CHGB: variants seen among roughly 807,000 people sequenced by gnomAD.
CHGB encodes the protein chromogranin B.
A neutral mutation model predicts 69.9 loss-of-function variants in CHGB; 46 were observed. The observed-to-expected ratio is 0.66, with a 90% CI of 0.52 to 0.84. The LOEUF is 0.84. Ranked by LOEUF, CHGB falls within the 40% of genes least tolerant of loss-of-function variation. The pLI is 0.00. For synonymous variants in CHGB, 312 were observed against 298.2 expected, an observed-to-expected ratio of 1.05 and a Z score of -0.48; for missense variants, 796 against 822.2, an observed-to-expected ratio of 0.97 and a Z score of 0.39.
rs777189783 is a variant in CHGB at position 5,924,118 on chromosome 20, T to C, written c.1956+18T>C. Reference sequence around the variant, plus strand: ...AGGACGAGGTATGGTCTAGGGCTTCTGTTTAAAAGTACTTACTCTGGTCAA... The same window carrying C: ...AGGACGAGGTATGGTCTAGGGCTTCCGTTTAAAAGTACTTACTCTGGTCAA... On this transcript the variant is annotated intron_variant, in intron 4 of 4. Transcript: ENST00000378961. 1 of 1,566,134 alleles carries C rather than the reference T, an allele frequency of 6.4e-7. No homozygotes were observed.
At chr20:5,914,799 T>C (rs556188438) in intron 1 of CHGB, 1 of 152,324 alleles carries the variant, frequency 6.6e-6, no homozygotes, top group Admixed American at 6.5e-5. Context: ...GGGGTCTTCA[T>C]AGCATAACTT....
chr20:5,911,598 A>G lies in CHGB; in HGVS notation c.-36A>G, dbSNP rs2088446679. 1 of 1,519,286 alleles carries G rather than the reference A, an allele frequency of 6.6e-7. No homozygotes were observed. The highest frequency in any genetic ancestry group is 8.8e-7 in the Non-Finnish European group (1 of 1,139,112). 94.1% of individuals were successfully genotyped at this position (1,519,286 alleles called of 1,614,324 possible). ...GCCTCGCTTCTCCGGTCCAGCCGCC[A>G]TCTTCCTTTCCGCACAGGGGCCGCC... On this transcript the variant is annotated 5_prime_UTR_variant, in exon 1 of 5. Coordinates refer to ENST00000378961, the MANE Select transcript of CHGB (RefSeq NM_001819.3).
rs560719081 is a variant in CHGB, at chr20:5,923,299, C to T, written c.1155C>T (p.Asp385=). The T allele has an allele frequency of 6.2e-7, 1 of 1,613,362 alleles. No individual in the cohort carries two copies. The highest frequency in any genetic ancestry group is 1.3e-5 in the African/African-American group (1 of 74,928). ...GTGAGGAGAGTTGGGATGAGGAGGA[C>T]AAGAGAAACTACCCCAGCTTAGAGC... ...PQSEESWDEE[D]KRNYPSLELD... is the part of the protein sequence containing the mutation. Residue 385 remains aspartate, a synonymous_variant, in exon 4 of 5, where the codon GAC becomes GAT. Coordinates refer to ENST00000378961, the MANE Select transcript of CHGB (RefSeq NM_001819.3).
At chr20:5,924,930 T>C (rs966396837) in intron 4 of CHGB, 42 bp from the exon 5 acceptor site, 1 of 1,239,724 alleles carries the variant, frequency 8.1e-7, no homozygotes, top group Non-Finnish European at 1.2e-6. Context: ...GCAAAAGAAA[T>C]TGGTTCGGGA....
intron 1 of CHGB, chr20:5,915,808 C>G (rs977262609): frequency 6.6e-6 from 1 of 152,612 alleles, no homozygotes; most frequent in African/African-American, 2.4e-5. Flanking sequence ...CTGCAACCTC[C>G]GCCTCCTGGG....
rs2088527268 is a variant in CHGB at position 5,923,189 on chromosome 20, C to G, written c.1045C>G (p.Pro349Ala). 6.2e-7 allele frequency: 1 copy of G among 1,613,698 alleles called. No individual in the cohort carries two copies. Among genetic ancestry groups the G allele is most frequent in the African/African-American group, 1.3e-5 (1 of 74,866 alleles). The stretch of plus-strand genomic sequence containing the variant: ...ATATGGAGAAGAAATAAAGGGTTAT[C>G]CAGGCGTCCAGGCCCCTGAGGACCT... ...PEYGEEIKGY[P>A]GVQAPEDLEW... The change falls in exon 4 of 5, where the codon CCA becomes GCA. Residue 349 changes from proline to alanine, a missense_variant. Transcript: ENST00000378961.
chr20:5,911,965 G>T (rs553594643), intron 1 of CHGB, among the ~76,000 whole-genome samples: 1 of 152,276 alleles, frequency 6.6e-6, no homozygotes, highest in African/African-American at 2.4e-5. Context: ...TGCCATACCT[G>T]CAAGGAAACC....
intron 4 of CHGB, 35 bp downstream of exon 4, chr20:5,924,135 T>C (rs2088536189): frequency 6.5e-7 from 1 of 1,536,928 alleles, no homozygotes; most frequent in Non-Finnish European, 8.7e-7. Context: ...AAGTACTTAC[T>C]CTGGTCAATG....
rs1471957963 is a variant in CHGB, at chr20:5,922,543, A to G, written c.399A>G (p.Arg133=). 3 of 1,613,108 alleles carry G rather than the reference A, an allele frequency of 1.9e-6. No homozygotes were observed. The highest frequency in any genetic ancestry group is 2.7e-5 in the African/African-American group (2 of 74,886). Reference sequence around the variant, plus strand: ...AGGGAGGCGGGCACAGCCGAGAGCGAGCGGATGAGCCCCAGTGGAGCCTCT... The same window carrying G: ...AGGGAGGCGGGCACAGCCGAGAGCGGGCGGATGAGCCCCAGTGGAGCCTCT... ...WAEGGGHSRE[R]ADEPQWSLYP... is the part of the protein sequence containing the mutation. The change falls in exon 4 of 5, where the codon CGA becomes CGG. Residue 133 remains arginine (R), a synonymous_variant. Coordinates refer to ENST00000378961, the MANE Select transcript of CHGB (RefSeq NM_001819.3).
chr20:5,924,892 C>A, intron 4 of CHGB, 80 bp from the exon 5 acceptor site: 1 of 814,510 alleles, frequency 1.2e-6, no homozygotes, highest in East Asian at 2.5e-5. Context: ...TAAAATTCCC[C>A]TTTGCACTCA....
rs1249384038 is a variant in CHGB, at chr20:5,922,583, C to A, written c.439C>A (p.Gln147Lys). The A allele has an allele frequency of 3.7e-6, 6 of 1,613,786 alleles. No homozygotes were observed. The highest frequency in any genetic ancestry group is 1.3e-5 in the African/African-American group (1 of 74,842). Residue 147 changes from glutamine (Q) to lysine (K), a missense_variant, in exon 4 of 5, where the codon CAA becomes AAA. Physicochemically the swap from Gln to Lys is moderately conservative, Grantham distance 53 (BLOSUM62 1). This residue lies in a region of CHGB where 518 missense variants were observed against 506.3 expected (regional missense o/e 1.02). Coordinates refer to ENST00000378961, the MANE Select transcript of CHGB (RefSeq NM_001819.3). ...PQWSLYPSDS[Q>K]VSEEVKTRHS... Reference sequence around the variant, plus strand: ...GTGGAGCCTCTATCCCTCCGACAGCCAAGTCTCTGAAGAAGTGAAGACACG... The same window carrying A: ...GTGGAGCCTCTATCCCTCCGACAGCAAAGTCTCTGAAGAAGTGAAGACACG...
At position 5,924,990 on chromosome 20, in the gene CHGB, T is replaced by A. The variant is rs144311838; in HGVS notation, c.1975T>A (p.Leu659Met). 1.9e-6 allele frequency: 3 copies of A among 1,613,008 alleles called. No homozygotes were observed. The highest frequency in any genetic ancestry group is 4.5e-5 in the East Asian group (2 of 44,862). ...TTTCCAGAAAAAAGAACTCGAAAAC[T>A]TGGCTGCAATGGATTTGGAACTACA... ...TEDEKKELENLAAMDLELQKI... is the reference protein window; with the variant it reads ...TEDEKKELENMAAMDLELQKI... The change falls in exon 5 of 5, where the codon TTG (leucine) becomes ATG (methionine). Residue 659 changes from leucine to methionine, a missense_variant. Coordinates refer to ENST00000378961, the MANE Select transcript of CHGB (RefSeq NM_001819.3).
chr20:5,916,764 G>A, intron 2 of CHGB, 62 bp from the exon 3 acceptor site: 1 of 1,477,776 alleles, frequency 6.8e-7, no homozygotes, highest in Non-Finnish European at 9.5e-7. Context: ...GCAGCTCTGG[G>A]TTGAGTAGTC....
Position 5,923,316 on chromosome 20 carries a change from G to C in CHGB, c.1172G>C (p.Ser391Thr). The change falls in exon 4 of 5, where the codon AGC (serine) becomes ACC (threonine). Residue 391 changes from serine (S) to threonine (T), a missense_variant. Coordinates refer to ENST00000378961, the MANE Select transcript of CHGB (RefSeq NM_001819.3). ...GAGGAGGACAAGAGAAACTACCCCAGCTTAGAGCTTGATAAGATGGCACAT... is the reference window on the plus strand; with the variant it reads ...GAGGAGGACAAGAGAAACTACCCCACCTTAGAGCTTGATAAGATGGCACAT... ...WDEEDKRNYP[S>T]LELDKMAHGY... is the part of the protein sequence containing the mutation. The C allele has an allele frequency of 6.2e-7, 1 of 1,613,666 alleles. No homozygotes were observed. The highest frequency in any genetic ancestry group is 8.5e-7 in the Non-Finnish European group (1 of 1,180,020).
chr20:5,921,077 G>A (rs372819381), intron 3 of CHGB, among the ~76,000 whole-genome samples: 1 of 151,844 alleles, frequency 6.6e-6, no homozygotes, highest in African/African-American at 2.4e-5. Flanking sequence ...AAAAGAGACA[G>A]GTGGAAATTA....
chr20:5,923,824 G>A lies in CHGB; in HGVS notation c.1680G>A (p.Lys560=), dbSNP rs1204316911. ...AAAATGAGCTGACCTTGAACGAGAAGAATTTCTTCCCAGAATACAACTATG... is the reference window on the plus strand; with the variant it reads ...AAAATGAGCTGACCTTGAACGAGAAAAATTTCTTCCCAGAATACAACTATG... ...EEENELTLNE[K]NFFPEYNYDW... Residue 560 remains lysine (K), a synonymous_variant, in exon 4 of 5, where the codon AAG becomes AAA. Transcript: ENST00000378961. 1 of 1,614,074 alleles carries A rather than the reference G, an allele frequency of 6.2e-7. No homozygotes were observed. Among genetic ancestry groups the A allele is most frequent in the East Asian group, 2.2e-5 (1 of 44,894 alleles).
intron 3 of CHGB, chr20:5,917,404 A>G (rs977820392): frequency 6.3e-6 from 1 of 159,764 alleles, no homozygotes; most frequent in African/African-American, 2.4e-5. Context: ...CTGAGAAGCA[A>G]GAAACTTAGA....
Position 5,922,760 on chromosome 20 carries a change from T to C in CHGB, c.616T>C (p.Ser206Pro), listed in dbSNP as rs1485726921. 10 of 1,613,802 alleles carry C rather than the reference T, an allele frequency of 6.2e-6. No homozygotes were observed. Among genetic ancestry groups the C allele is most frequent in the African/African-American group, 1.3e-5 (1 of 74,828 alleles). Residue 206 changes from serine to proline, a missense_variant, in exon 4 of 5, where the codon TCA becomes CCA. Physicochemically the swap from Ser to Pro is moderately conservative, Grantham distance 74. Coordinates refer to ENST00000378961, the MANE Select transcript of CHGB (RefSeq NM_001819.3). The stretch of plus-strand genomic sequence containing the variant: ...TTTTCTCAATGAAAGAAAGCAGGCT[T>C]CAGCTATAAAAAAAGAGGAGTTAGT... ...NAFLNERKQA[S>P]AIKKEELVAR...
Position 5,920,636 on chromosome 20 carries a change from G to A in CHGB, c.191-1699G>A, listed in dbSNP as rs145841169. 8.5e-5 allele frequency among the ~76,000 whole-genome samples: 13 copies of A among 152,234 alleles called. No homozygotes were observed. The East Asian group carries it at 1.4e-3, about 16-fold the overall frequency. ...ACCTCTCAGAGGCCCCCACCTCCAC[G>A]TGCTATCACATTGAGGATTAGGGCT... On this transcript the variant is annotated intron_variant, in intron 3 of 4. Transcript: ENST00000378961.
Sources: allele counts gnomAD v4.1 joint callset (sites outside exome capture counted in the v4.1 genomes callset), GRCh38; gene constraint gnomAD v4.1.1; regional missense constraint gnomAD v4.1.1; transcripts MANE v1.5; gene names NCBI Gene and HGNC (gene_info 2026-07-23, HGNC 2026-07-21).